The following COL22A1 variants were observed in gnomAD, a reference collection of about 807,000 sequenced individuals.
COL22A1 encodes collagen type XXII alpha 1 chain.
A neutral mutation model predicts 248.9 loss-of-function variants in COL22A1; 221 were observed. That is an observed-to-expected ratio of 0.89 (90% CI 0.80 to 0.99). The LOEUF (loss-of-function observed/expected upper bound fraction) is 0.99. COL22A1 is among the 50% of genes least tolerant of loss of function. The pLI is 0.00. For missense variants in COL22A1, 2,240 were observed against 2,179.0 expected (o/e 1.03, Z -0.56); for synonymous variants, 891 against 793.4 (o/e 1.12, Z -2.07).
At chr8:138,798,151 T>C (rs868560930) in intron 11 of COL22A1, among the ~76,000 whole-genome samples, 4 of 149,846 alleles carry the variant, frequency 2.7e-5, no homozygotes, top group African/African-American at 9.8e-5. Flanking sequence ...GTTGTACAAA[T>C]AGGTTGTATC....
At chr8:138,674,333 C>T (rs1825318087) in intron 41 of COL22A1, among the ~76,000 whole-genome samples, 1 of 152,112 alleles carries the variant, frequency 6.6e-6, no homozygotes, top group African/African-American at 2.4e-5. Flanking sequence ...GTACCCACCC[C>T]CACGCTGACC....
chr8:138,719,804 T>C (rs1053542191), intron 27 of COL22A1, among the ~76,000 whole-genome samples: 1 of 152,196 alleles, frequency 6.6e-6, no homozygotes, highest in Non-Finnish European at 1.5e-5. Flanking sequence ...ATCTAAGCAG[T>C]GCTTGCCTGT....
rs186104409 is a variant in COL22A1, at chr8:138,911,878, G to A, written c.-73+1741C>T. On this transcript the variant is annotated intron_variant, in intron 1 of 64. Transcript: ENST00000303045. The stretch of plus-strand genomic sequence containing the variant: ...CCTGGGAGCCACTCTTGGACCCCAG[G>A]AAAGAAAATCCTCATTGGATGCAGC... 1.5e-3 allele frequency among the ~76,000 whole-genome samples: 228 copies of A among 152,244 alleles called. 1 individual carries two copies. The highest frequency in any genetic ancestry group is 4.4e-3 in the African/African-American group (184 of 41,544).
At chr8:138,794,570 C>T (rs541183433) in intron 12 of COL22A1, among the ~76,000 whole-genome samples, 18 of 152,274 alleles carry the variant, frequency 1.2e-4, no homozygotes, top group African/African-American at 1.9e-4. Flanking sequence ...GAGATGCTCA[C>T]GTTCCCATGT....
intron 35 of COL22A1, 30 bp from the exon 36 acceptor site, chr8:138,690,904 A>G (rs542523137): frequency 3.8e-6 from 6 of 1,586,210 alleles, no homozygotes; most frequent in Non-Finnish European, 5.2e-6. Flanking sequence ...TAGAAAGGCC[A>G]AACGCATTGA....
intron 56 of COL22A1, among the ~76,000 whole-genome samples, chr8:138,609,380 G>A (rs1357758286): frequency 1.3e-5 from 2 of 152,146 alleles, no homozygotes; most frequent in African/African-American, 2.4e-5. Context: ...CTTCCACCTT[G>A]AGCCTTCAAA....
At chr8:138,890,862 A>G (rs986915543) in intron 1 of COL22A1, among the ~76,000 whole-genome samples, 1 of 144,132 alleles carries the variant, frequency 6.9e-6, no homozygotes, top group Non-Finnish European at 1.5e-5. Context: ...AAATACAAAG[A>G]AAAAAAAAAA....
intron 48 of COL22A1, among the ~76,000 whole-genome samples, chr8:138,636,294 C>T (rs1221319296): frequency 6.6e-6 from 1 of 151,454 alleles, no homozygotes; most frequent in Admixed American, 6.6e-5. Flanking sequence ...TCCAGCAGGC[C>T]TGGATGGGCA....
intron 7 of COL22A1, among the ~76,000 whole-genome samples, chr8:138,816,231 G>A (rs1435617386): frequency 6.6e-6 from 1 of 152,144 alleles, no homozygotes; most frequent in African/African-American, 2.4e-5. Context: ...CTGGACAGAG[G>A]CGTTCTCAGG....
At chr8:138,804,141 A>G (rs961319509) in intron 10 of COL22A1, among the ~76,000 whole-genome samples, 1 of 152,122 alleles carries the variant, frequency 6.6e-6, no homozygotes, top group Admixed American at 6.5e-5. Flanking sequence ...GCTCTCAGTC[A>G]GTCACTTTTA....
chr8:138,909,285 T>C (rs1815261526), intron 1 of COL22A1, among the ~76,000 whole-genome samples: 1 of 152,242 alleles, frequency 6.6e-6, no homozygotes, highest in Non-Finnish European at 1.5e-5. Context: ...CTCCAGAACT[T>C]ATTCATCTTG....
At chr8:138,833,695 T>C (rs572711262) in intron 4 of COL22A1, among the ~76,000 whole-genome samples, 5 of 152,352 alleles carry the variant, frequency 3.3e-5, no homozygotes, top group African/African-American at 1.2e-4. Flanking sequence ...TTTGTTTTGT[T>C]TTGCTTTGTT....
chr8:138,911,247 TG>T (rs1418182289), intron 1 of COL22A1, among the ~76,000 whole-genome samples: 2 of 152,228 alleles, frequency 1.3e-5, no homozygotes, highest in Non-Finnish European at 2.9e-5. Context: ...CTGGACCCTC[TG>T]GGGACCAAGA....
At chr8:138,844,247 T>G in intron 3 of COL22A1, 89 bp from the exon 4 acceptor site, 2 of 1,206,770 alleles carry the variant, frequency 1.7e-6, no homozygotes, top group Non-Finnish European at 2.5e-6. Flanking sequence ...GACCCCACCC[T>G]GCCTTGCAGC....
intron 60 of COL22A1, among the ~76,000 whole-genome samples, chr8:138,599,253 G>T (rs1162033831): frequency 6.6e-6 from 1 of 152,046 alleles, no homozygotes; most frequent in African/African-American, 2.4e-5. Flanking sequence ...GAGGCAGGCA[G>T]ATCACGAGGT....
At chr8:138,824,437 T>A (rs577136866) in intron 6 of COL22A1, among the ~76,000 whole-genome samples, 1 of 152,322 alleles carries the variant, frequency 6.6e-6, no homozygotes, top group African/African-American at 2.4e-5. Flanking sequence ...ACTGCCGGCA[T>A]CCACACTTGC....
chr8:138,821,410 A>G lies in COL22A1; in HGVS notation c.971T>C (p.Val324Ala). ...QVIDQYSIPQ[V>A]SIRLDGENKA... Reference sequence around the variant, plus strand: ...GTTTTCACCATCCAGCCGGATGGAGACCTGGGGAGGAAAGGACCAGAGACT... The same window carrying G: ...GTTTTCACCATCCAGCCGGATGGAGGCCTGGGGAGGAAAGGACCAGAGACT... Residue 324 changes from valine (V) to alanine (A), a missense_variant and splice_region_variant, in exon 7 of 65, where the codon GTC becomes GCC. Physicochemically the swap from Val to Ala is moderately conservative, Grantham distance 64 (BLOSUM62 0). Coordinates refer to ENST00000303045, the MANE Select transcript of COL22A1 (RefSeq NM_152888.3). The G allele has an allele frequency of 6.2e-7, 1 of 1,611,164 alleles. No homozygotes were observed. Among genetic ancestry groups the G allele is most frequent in the Middle Eastern group, 1.7e-4 (1 of 6,052 alleles).
At chr8:138,651,025 T>A (rs887476326) in intron 45 of COL22A1, among the ~76,000 whole-genome samples, 1 of 152,180 alleles carries the variant, frequency 6.6e-6, no homozygotes, top group South Asian at 2.1e-4. Context: ...AAGCTGCAGG[T>A]GATTTTGTTT....
intron 1 of COL22A1, among the ~76,000 whole-genome samples, chr8:138,910,880 C>T (rs1375250851): frequency 6.6e-6 from 1 of 152,206 alleles, no homozygotes; most frequent in African/African-American, 2.4e-5. Context: ...GAATGACACA[C>T]ACGTAGTCCA....
Sources: gnomAD v4.1 joint callset for allele counts (sites outside exome capture counted in the v4.1 genomes callset) on GRCh38, gnomAD v4.1.1 for gene constraint, MANE v1.5 for transcripts, NCBI Gene and HGNC (gene_info 2026-07-23, HGNC 2026-07-21) for gene names.